Variants in LRRC37A2 observed in about 807,000 individuals in gnomAD.
The protein encoded by LRRC37A2 is leucine rich repeat containing 37 member A2.
In LRRC37A2, 9 loss-of-function variants were observed where a neutral mutation model predicts 68.8. The observed-to-expected ratio is 0.13, with a 90% CI of 0.08 to 0.23. The LOEUF (loss-of-function observed/expected upper bound fraction) is 0.23, where lower values mean the gene tolerates loss of function less well. LRRC37A2 is among the 10% of genes least tolerant of loss of function. The probability of loss-of-function intolerance (pLI) is 1.00; values close to 1 mark genes in which losing one functional copy is unlikely to be tolerated. For missense variants in LRRC37A2, 168 were observed against 950.4 expected, an observed-to-expected ratio of 0.18 and a Z score of 10.82; for synonymous variants, 63 against 367.6, an observed-to-expected ratio of 0.17 and a Z score of 9.48.
At chr17:47,000,610 A>T in the LRRC37A2 span, among the ~76,000 whole-genome samples, 4 of 151,940 alleles carry the variant, frequency 2.6e-5, no homozygotes, top group Non-Finnish European at 5.9e-5. Context: ...CTACTCCTCA[A>T]TTGAACCTTC....
the LRRC37A2 span, among the ~76,000 whole-genome samples, chr17:46,802,218 T>C: frequency 2.6e-5 from 4 of 152,138 alleles, no homozygotes; most frequent in African/African-American, 9.7e-5. Flanking sequence ...AAGATTGAGG[T>C]TGGTTACCCC....
the LRRC37A2 span, among the ~76,000 whole-genome samples, chr17:46,770,798 G>A: frequency 2.0e-5 from 3 of 152,214 alleles, no homozygotes; most frequent in Non-Finnish European, 2.9e-5. Context: ...GTGTGCTCCA[G>A]CCTCCTCACA....
chr17:47,006,418 C>G, the LRRC37A2 span, among the ~76,000 whole-genome samples: 1 of 151,924 alleles, frequency 6.6e-6, no homozygotes, highest in African/African-American at 2.4e-5. Flanking sequence ...TCGAGACCAG[C>G]CTCGCCAACA....
the LRRC37A2 span, among the ~76,000 whole-genome samples, chr17:46,727,599 C>G: frequency 2.6e-5 from 4 of 152,236 alleles, no homozygotes; most frequent in East Asian, 7.7e-4. Context: ...TGTTATAAAG[C>G]AAAGCAGGTA....
At chr17:46,595,857 GTC>G in the LRRC37A2 span, among the ~76,000 whole-genome samples, 8 of 141,658 alleles carry the variant, frequency 5.6e-5, 1 homozygote, top group African/African-American at 2.2e-4. Flanking sequence ...CGCCTTCCCA[GTC>G]TCTGTTATCT....
chr17:47,042,721 T>G, the LRRC37A2 span, among the ~76,000 whole-genome samples: 3 of 23,576 alleles, frequency 1.3e-4, no homozygotes, highest in African/African-American at 1.1e-4. Flanking sequence ...CCTGTTTGGG[T>G]GGGGAGGGGA....
At chr17:46,834,641 G>T in the LRRC37A2 span, among the ~76,000 whole-genome samples, 1 of 152,122 alleles carries the variant, frequency 6.6e-6, no homozygotes, top group Admixed American at 6.5e-5. Flanking sequence ...CACAGGCTTG[G>T]TCCTTCTCGC....
chr17:46,908,412 G>A, the LRRC37A2 span, among the ~76,000 whole-genome samples: 1 of 152,264 alleles, frequency 6.6e-6, no homozygotes, highest in East Asian at 1.9e-4. Context: ...TCCTGGAGGC[G>A]CTGAAAATAG....
chr17:46,965,312 G>A, the LRRC37A2 span, among the ~76,000 whole-genome samples: 2 of 152,144 alleles, frequency 1.3e-5, no homozygotes, highest in Non-Finnish European at 2.9e-5. Flanking sequence ...CATCCTCCCT[G>A]GTGCCCTGCT....
the LRRC37A2 span, among the ~76,000 whole-genome samples, chr17:46,954,736 C>T: frequency 5.3e-5 from 8 of 152,174 alleles, no homozygotes; most frequent in African/African-American, 1.9e-4. Context: ...TGAAGACATC[C>T]TTCACATCCC....
the LRRC37A2 span, chr17:46,851,459 C>T: frequency 2.0e-5 from 6 of 305,882 alleles, no homozygotes; most frequent in African/African-American, 4.7e-5. The surrounding 1 kb of genome is among the most constrained non-coding windows in gnomAD (Gnocchi z 4.3). Context: ...GGGGCGAGGG[C>T]GGTGGGGCCA....
chr17:46,935,200 G>A, the LRRC37A2 span: 3 of 1,612,782 alleles, frequency 1.9e-6, no homozygotes, highest in Non-Finnish European at 2.5e-6. Flanking sequence ...CAGAGAGAAG[G>A]CCTCTTGTTT....
chr17:46,853,643 C>T, the LRRC37A2 span, among the ~76,000 whole-genome samples: 1 of 152,180 alleles, frequency 6.6e-6, no homozygotes, highest in Non-Finnish European at 1.5e-5. Context: ...GCTGGGATTA[C>T]AGGCATGAGC....
the LRRC37A2 span, among the ~76,000 whole-genome samples, chr17:47,033,707 C>G: frequency 2.0e-5 from 3 of 152,074 alleles, no homozygotes; most frequent in Non-Finnish European, 4.4e-5. Context: ...TGGACCTGTA[C>G]AGAAGAATTT....
the LRRC37A2 span, among the ~76,000 whole-genome samples, chr17:46,943,248 A>C: frequency 3.3e-5 from 5 of 152,178 alleles, no homozygotes; most frequent in African/African-American, 1.2e-4. Flanking sequence ...GATCAGAAGG[A>C]GCCAGATCCC....
chr17:46,820,325 GA>G, the LRRC37A2 span, among the ~76,000 whole-genome samples: 1 of 152,198 alleles, frequency 6.6e-6, no homozygotes, highest in East Asian at 1.9e-4. Flanking sequence ...GAGGGGGTGG[GA>G]GGGGAGGTTG....
chr17:46,679,067 A>G, the LRRC37A2 span, among the ~76,000 whole-genome samples: 2 of 152,048 alleles, frequency 1.3e-5, no homozygotes, highest in Non-Finnish European at 2.9e-5. Context: ...TAGAGAGCTT[A>G]CCTAAAGTAT....
chr17:46,918,626 C>T, the LRRC37A2 span, among the ~76,000 whole-genome samples: 1 of 147,496 alleles, frequency 6.8e-6, no homozygotes, highest in African/African-American at 2.5e-5. Flanking sequence ...CACACACACA[C>T]ACACACACAC....
chr17:47,020,940 G>A, the LRRC37A2 span, among the ~76,000 whole-genome samples: 1 of 151,966 alleles, frequency 6.6e-6, no homozygotes, highest in Non-Finnish European at 1.5e-5. Flanking sequence ...ACATGGGTAA[G>A]CTAAAACTTT....
Sources: allele counts gnomAD v4.1 joint callset (sites outside exome capture counted in the v4.1 genomes callset), GRCh38; gene constraint gnomAD v4.1.1; non-coding constraint Gnocchi (gnomAD v3.1); transcripts MANE v1.5; gene names NCBI Gene and HGNC (gene_info 2026-07-23, HGNC 2026-07-21).